Variants in ST6GALNAC5 observed in about 807,000 individuals in gnomAD.
The protein encoded by ST6GALNAC5 is ST6 N-acetylgalactosaminide alpha-2,6-sialyltransferase 5.
In ST6GALNAC5, 27 loss-of-function variants were observed where a neutral mutation model predicts 33.6. The ratio of observed to expected loss-of-function variants is 0.80; its 90% confidence interval spans 0.59 to 1.11. The LOEUF (loss-of-function observed/expected upper bound fraction) is 1.11, where lower values mean the gene tolerates loss of function less well. Ranked by LOEUF, ST6GALNAC5 falls within the 50% of genes least tolerant of loss-of-function variation. The pLI is 0.00. For missense variants in ST6GALNAC5, 428 were observed against 454.0 expected (o/e 0.94, Z 0.52); for synonymous variants, 194 against 171.2 (o/e 1.13, Z -1.04).
At position 76,870,424 on chromosome 1, in the gene ST6GALNAC5, C is replaced by T. The variant is rs115794950; in HGVS notation, c.261+1682C>T. 4.3e-3 allele frequency among the ~76,000 whole-genome samples: 651 copies of T among 152,298 alleles called. 4 individuals are homozygous for T. Among genetic ancestry groups the T allele is most frequent in the African/African-American group, 0.014 (600 of 41,558 alleles). ...AGGTAAATTTGCTGAAAGTTTTGAT[C>T]AGCTTTTGGGAAGAGATTTCTAATA... is the stretch of plus-strand genomic sequence containing the variant. On this transcript the variant is annotated intron_variant, in intron 2 of 4. Transcript: ENST00000477717.
chr1:77,023,579 A>G (rs1483269889), intron 2 of ST6GALNAC5, among the ~76,000 whole-genome samples: 3 of 152,214 alleles, frequency 2.0e-5, no homozygotes, highest in South Asian at 4.1e-4. Context: ...GCACAAGTCA[A>G]GAAGGAACTG....
At chr1:76,875,999 G>A (rs1206728989) in intron 2 of ST6GALNAC5, among the ~76,000 whole-genome samples, 2 of 152,312 alleles carry the variant, frequency 1.3e-5, no homozygotes, top group African/African-American at 4.8e-5. Flanking sequence ...CAAGTGCCTT[G>A]GTCAGAGGCA....
chr1:76,977,628 C>A (rs1408827564), intron 2 of ST6GALNAC5, among the ~76,000 whole-genome samples: 1 of 152,154 alleles, frequency 6.6e-6, no homozygotes, highest in Admixed American at 6.6e-5. Context: ...TTTATGCTGC[C>A]ACAAATGATA....
At chr1:77,025,892 C>A (rs993265392) in intron 2 of ST6GALNAC5, among the ~76,000 whole-genome samples, 4 of 152,162 alleles carry the variant, frequency 2.6e-5, no homozygotes, top group African/African-American at 4.8e-5. Flanking sequence ...TGAACACAGG[C>A]AGGTCAGCTC....
chr1:76,982,581 AAC>A (rs1406431099), intron 2 of ST6GALNAC5, among the ~76,000 whole-genome samples: 3 of 152,208 alleles, frequency 2.0e-5, no homozygotes, highest in Admixed American at 2.0e-4. Context: ...CAAGTTGGAA[AAC>A]ACTCTTCAGG....
chr1:76,897,525 T>G (rs192604019), intron 2 of ST6GALNAC5, among the ~76,000 whole-genome samples: 2,622 of 151,980 alleles, frequency 0.017, 79 homozygotes, highest in African/African-American at 0.059. Flanking sequence ...TTGGCATTAA[T>G]CGGGGTAAAG....
At chr1:76,952,287 T>C (rs1478817057) in intron 2 of ST6GALNAC5, among the ~76,000 whole-genome samples, 1 of 152,102 alleles carries the variant, frequency 6.6e-6, no homozygotes, top group Non-Finnish European at 1.5e-5. Flanking sequence ...ATTTTCACTA[T>C]TATGCACTGA....
chr1:76,897,367 T>A (rs146960374), intron 2 of ST6GALNAC5, among the ~76,000 whole-genome samples: 2 of 152,180 alleles, frequency 1.3e-5, no homozygotes. Context: ...AAGTCATAGA[T>A]CCTGAACTAA....
chr1:76,915,783 T>G (rs574761638), intron 2 of ST6GALNAC5, among the ~76,000 whole-genome samples: 3 of 151,736 alleles, frequency 2.0e-5, no homozygotes, highest in East Asian at 3.9e-4. Context: ...GCATGGCACA[T>G]GTATACATAG....
intron 2 of ST6GALNAC5, among the ~76,000 whole-genome samples, chr1:76,887,850 T>G (rs1205277560): frequency 6.6e-6 from 1 of 152,162 alleles, no homozygotes; most frequent in Non-Finnish European, 1.5e-5. Context: ...TGTATTTTAT[T>G]TTTTTGGCTT....
chr1:77,018,266 T>C (rs940441719), intron 2 of ST6GALNAC5, among the ~76,000 whole-genome samples: 2 of 152,212 alleles, frequency 1.3e-5, no homozygotes, highest in African/African-American at 4.8e-5. Flanking sequence ...CTTCTAAGTC[T>C]TTATAGATCA....
chr1:76,888,413 T>G (rs1557710450), intron 2 of ST6GALNAC5, among the ~76,000 whole-genome samples: 1 of 152,194 alleles, frequency 6.6e-6, no homozygotes, highest in South Asian at 2.1e-4. Flanking sequence ...TCATCTGATA[T>G]TAAGAGTAGT....
At chr1:76,887,651 C>A (rs1653927276) in intron 2 of ST6GALNAC5, among the ~76,000 whole-genome samples, 1 of 152,096 alleles carries the variant, frequency 6.6e-6, no homozygotes, top group Non-Finnish European at 1.5e-5. Context: ...AAGGCCTCAT[C>A]TGACCGATTC....
At chr1:76,926,741 G>A (rs1647089865) in intron 2 of ST6GALNAC5, among the ~76,000 whole-genome samples, 1 of 152,038 alleles carries the variant, frequency 6.6e-6, no homozygotes, top group Non-Finnish European at 1.5e-5. Context: ...AGTATTTCAG[G>A]ACTGCCAAAA....
At chr1:76,932,521 G>T (rs914047258) in intron 2 of ST6GALNAC5, among the ~76,000 whole-genome samples, 4 of 152,030 alleles carry the variant, frequency 2.6e-5, no homozygotes, top group African/African-American at 9.7e-5. Context: ...TAGAGGGAAA[G>T]CTCACTAAAC....
intron 2 of ST6GALNAC5, among the ~76,000 whole-genome samples, chr1:76,893,513 T>C (rs1259404330): frequency 1.3e-5 from 2 of 152,148 alleles, no homozygotes; most frequent in South Asian, 2.1e-4. Flanking sequence ...GTGTAAGGAG[T>C]AACTATCCAC....
intron 2 of ST6GALNAC5, among the ~76,000 whole-genome samples, chr1:76,898,866 G>A (rs1646786126): frequency 6.6e-6 from 1 of 152,104 alleles, no homozygotes; most frequent in South Asian, 2.1e-4. Flanking sequence ...GAAGGGAGAG[G>A]TCAGATGGGT....
At chr1:77,017,150 CAA>C (rs11304509) in intron 2 of ST6GALNAC5, among the ~76,000 whole-genome samples, 2,639 of 104,652 alleles carry the variant, frequency 0.025, 83 homozygotes, top group African/African-American at 0.07. Flanking sequence ...CAGGAAAAGG[CAA>C]AAAAAAAAAA....
chr1:76,988,784 C>T (rs1365162564), intron 2 of ST6GALNAC5, among the ~76,000 whole-genome samples: 5 of 152,020 alleles, frequency 3.3e-5, no homozygotes, highest in African/African-American at 9.7e-5. Flanking sequence ...TTTAGTGGTA[C>T]TGTTAAATAT....
Sources: allele counts gnomAD v4.1 joint callset (sites outside exome capture counted in the v4.1 genomes callset), GRCh38; gene constraint gnomAD v4.1.1; transcripts MANE v1.5; gene names NCBI Gene and HGNC (gene_info 2026-07-23, HGNC 2026-07-21).